VTCN1: variants seen among roughly 807,000 people sequenced by gnomAD.
VTCN1 encodes V-set domain-containing T-cell activation inhibitor 1.
In VTCN1, 26 loss-of-function variants were observed where a neutral mutation model predicts 26.5. The observed-to-expected ratio is 0.98, with a 90% confidence interval of 0.72 to 1.36. The LOEUF (loss-of-function observed/expected upper bound fraction) is 1.36, where lower values mean the gene tolerates loss of function less well. Among genes scored for constraint, VTCN1 ranks in the 40% most tolerant of loss-of-function variants. The pLI, the probability that VTCN1 is intolerant of heterozygous loss-of-function variation, is 0.00. For missense variants in VTCN1, 298 were observed against 337.7 expected, an observed-to-expected ratio of 0.88 and a Z score of 0.92; for synonymous variants, 116 against 130.7, an observed-to-expected ratio of 0.89 and a Z score of 0.77.
At chr1:117,197,444 T>G (rs1220196492) in intron 1 of VTCN1, among the ~76,000 whole-genome samples, 1 of 152,176 alleles carries the variant, frequency 6.6e-6, no homozygotes, top group East Asian at 1.9e-4. Flanking sequence ...TCATGCTGAC[T>G]TCCTAGAACT....
chr1:117,180,762 A>G (rs1417311424), intron 1 of VTCN1, among the ~76,000 whole-genome samples: 3 of 152,066 alleles, frequency 2.0e-5, no homozygotes, highest in Admixed American at 1.3e-4. Context: ...CCTCCCCACC[A>G]TAATCTTGGC....
At chr1:117,166,042 T>C (rs1892410) in intron 2 of VTCN1, among the ~76,000 whole-genome samples, 8,256 of 152,280 alleles carry the variant, frequency 0.054, 280 homozygotes, top group South Asian at 0.085. Flanking sequence ...TTGGCAGTAG[T>C]AGAGTTTTAA....
At chr1:117,196,792 T>C (rs1295894351) in intron 1 of VTCN1, among the ~76,000 whole-genome samples, 4 of 152,214 alleles carry the variant, frequency 2.6e-5, no homozygotes, top group African/African-American at 9.6e-5. Context: ...TTTTTCTTCA[T>C]TTAAGTGAGC....
chr1:117,172,298 G>T, intron 1 of VTCN1: 1 of 514,254 alleles, frequency 1.9e-6, no homozygotes, highest in Non-Finnish European at 3.9e-6. Flanking sequence ...TGCCGGCCAA[G>T]CCCTCATAAG....
At chr1:117,170,976 A>G (rs1652883027) in intron 1 of VTCN1, among the ~76,000 whole-genome samples, 2 of 151,954 alleles carry the variant, frequency 1.3e-5, no homozygotes, top group Non-Finnish European at 2.9e-5. Flanking sequence ...TGCATGCATT[A>G]TTTGTCCTAA....
intron 2 of VTCN1, among the ~76,000 whole-genome samples, chr1:117,158,083 T>C (rs111892253): frequency 0.052 from 7,943 of 152,250 alleles, 678 homozygotes; most frequent in African/African-American, 0.18. Flanking sequence ...CCCAGCTGCT[T>C]TCATAGGCTG....
intron 2 of VTCN1, among the ~76,000 whole-genome samples, chr1:117,166,482 C>T (rs757962566): frequency 7.2e-5 from 11 of 151,902 alleles, no homozygotes; most frequent in African/African-American, 1.7e-4. Context: ...TGGCCTGGCG[C>T]GGTGGCTCAC....
At chr1:117,154,941 C>T (rs924827250) in intron 3 of VTCN1, among the ~76,000 whole-genome samples, 1 of 152,092 alleles carries the variant, frequency 6.6e-6, no homozygotes, top group Non-Finnish European at 1.5e-5. Context: ...TCCAGAACAC[C>T]ACCATGCTTT....
chr1:117,199,613 A>T (rs1397852890), intron 1 of VTCN1, among the ~76,000 whole-genome samples: 1 of 150,130 alleles, frequency 6.7e-6, no homozygotes, highest in African/African-American at 2.4e-5. Flanking sequence ...GGCGTGGGCC[A>T]CTGTGCCCGG....
intron 1 of VTCN1, among the ~76,000 whole-genome samples, chr1:117,188,765 G>C (rs1465269040): frequency 6.6e-6 from 1 of 152,062 alleles, no homozygotes; most frequent in African/African-American, 2.4e-5. Context: ...GATCCTTCAG[G>C]CCATTGAAAG....
intron 1 of VTCN1, among the ~76,000 whole-genome samples, chr1:117,197,748 C>A (rs1325177666): frequency 6.6e-6 from 1 of 151,998 alleles, no homozygotes; most frequent in Non-Finnish European, 1.5e-5. Context: ...TTCTTCAATT[C>A]TTTGTTCAAG....
chr1:117,208,175 T>C (rs552194088), intron 1 of VTCN1, among the ~76,000 whole-genome samples: 2 of 152,348 alleles, frequency 1.3e-5, no homozygotes, highest in East Asian at 3.9e-4. Context: ...TCTCCCAGCA[T>C]TTCCTGCCTC....
At chr1:117,162,184 T>A (rs1266166297) in intron 2 of VTCN1, among the ~76,000 whole-genome samples, 1 of 151,820 alleles carries the variant, frequency 6.6e-6, no homozygotes, top group African/African-American at 2.4e-5. Context: ...AGAAGAGAAA[T>A]AAGAGCCAGT....
chr1:117,158,401 C>A (rs1652198135), intron 2 of VTCN1, among the ~76,000 whole-genome samples: 1 of 152,196 alleles, frequency 6.6e-6, no homozygotes, highest in Admixed American at 6.5e-5. Context: ...GGCTCAACAC[C>A]ACATAGAAGC....
chr1:117,208,151 AC>A (rs1473247366), intron 1 of VTCN1, among the ~76,000 whole-genome samples: 1 of 152,060 alleles, frequency 6.6e-6, no homozygotes, highest in African/African-American at 2.4e-5. Context: ...ACCTGGTGTG[AC>A]CTCTCAGCCT....
At chr1:117,210,775 C>T in intron 1 of VTCN1, 49 bp downstream of exon 1, 1 of 1,602,228 alleles carries the variant, frequency 6.2e-7, no homozygotes, top group South Asian at 1.1e-5. Context: ...CAAAAGACCT[C>T]ACTGCTGTTC....
rs1007406417 is a variant in VTCN1, at chr1:117,175,585, T to C, written c.33-5414A>G. ...TTCTATTCTGCTATTTCAACTCTCC[T>C]TGCTTTGAAAGAAAAGGCATGTGAA... On this transcript the variant is annotated intron_variant, in intron 1 of 5. Transcript: ENST00000369458. The surrounding 1 kb of genome is among the most constrained non-coding windows in gnomAD (Gnocchi z 4.2). 3.3e-5 allele frequency among the ~76,000 whole-genome samples: 5 copies of C among 152,200 alleles called. No homozygotes were observed. Among genetic ancestry groups the C allele is most frequent in the Non-Finnish European group, 5.9e-5 (4 of 68,038 alleles).
intron 3 of VTCN1, among the ~76,000 whole-genome samples, chr1:117,154,536 C>A (rs1432376588): frequency 1.3e-5 from 2 of 152,124 alleles, no homozygotes; most frequent in East Asian, 1.9e-4. Flanking sequence ...GTAATCCAAG[C>A]ACTTTGGGAG....
At chr1:117,176,033 G>C (rs956489757) in intron 1 of VTCN1, among the ~76,000 whole-genome samples, 1 of 152,104 alleles carries the variant, frequency 6.6e-6, no homozygotes, top group Non-Finnish European at 1.5e-5. Context: ...GCCTCCCAAA[G>C]TGCTGGGATT....
Sources: allele counts gnomAD v4.1 joint callset (sites outside exome capture counted in the v4.1 genomes callset), GRCh38; gene constraint gnomAD v4.1.1; non-coding constraint Gnocchi (gnomAD v3.1); transcripts MANE v1.5; gene names NCBI Gene and HGNC (gene_info 2026-07-23, HGNC 2026-07-21).